PRKCE: variants seen among roughly 807,000 people sequenced by gnomAD.
PRKCE encodes the protein protein kinase C epsilon.
Under a neutral mutation model 85.4 loss-of-function variants are expected in PRKCE, and 16 were observed. That is an observed-to-expected ratio of 0.19 (90% CI 0.13 to 0.28). The LOEUF is 0.28. Ranked by LOEUF, PRKCE falls within the 10% of genes least tolerant of loss-of-function variation. PRKCE has a pLI of 1.00. For missense variants in PRKCE, 573 were observed against 975.2 expected (o/e 0.59, Z 5.49); for synonymous variants, 388 against 371.5 (o/e 1.04, Z -0.51).
At chr2:45,768,209 G>T (rs912996847) in intron 1 of PRKCE, among the ~76,000 whole-genome samples, 1 of 144,152 alleles carries the variant, frequency 6.9e-6, no homozygotes, top group African/African-American at 2.9e-5. Flanking sequence ...CATTTTCATA[G>T]CAGAAAGAAA....
intron 1 of PRKCE, among the ~76,000 whole-genome samples, chr2:45,731,567 C>G (rs373828069): frequency 2.0e-5 from 3 of 150,434 alleles, no homozygotes; most frequent in African/African-American, 7.3e-5. Context: ...TTTGTAGTTA[C>G]TAATGGGGAA....
intron 9 of PRKCE, among the ~76,000 whole-genome samples, chr2:46,008,274 A>G (rs1353214274): frequency 2.0e-5 from 3 of 152,166 alleles, no homozygotes. Context: ...TCCCACTGAG[A>G]TGAACACAGT....
At chr2:45,951,733 C>T (rs1700635392) in intron 2 of PRKCE, among the ~76,000 whole-genome samples, 1 of 152,252 alleles carries the variant, frequency 6.6e-6, no homozygotes, top group Non-Finnish European at 1.5e-5. Flanking sequence ...ACACCTCATC[C>T]TCTGAGTTTG....
intron 1 of PRKCE, among the ~76,000 whole-genome samples, chr2:45,691,159 G>A (rs374563661): frequency 6.6e-6 from 1 of 152,204 alleles, no homozygotes; most frequent in African/African-American, 2.4e-5. Flanking sequence ...AAACCAGCGA[G>A]CTGTGTCCGT....
chr2:45,741,329 A>G (rs1199875781), intron 1 of PRKCE, among the ~76,000 whole-genome samples: 1 of 152,160 alleles, frequency 6.6e-6, no homozygotes. Flanking sequence ...GGTTGTTTAT[A>G]GTTTGCTTCC....
chr2:45,762,244 C>T (rs1453168886), intron 1 of PRKCE, among the ~76,000 whole-genome samples: 4 of 152,236 alleles, frequency 2.6e-5, no homozygotes, highest in Admixed American at 6.5e-5. Flanking sequence ...CCACCAGGAT[C>T]AGTAAGCATT....
chr2:45,908,674 G>A lies in PRKCE; in HGVS notation c.412+65611G>A, dbSNP rs181205847. ...AAAAGCCATGACTCATTGTGAATGAGTCCTGTGTTCTTCTCACACTCAGGT... is the reference window on the plus strand; with the variant it reads ...AAAAGCCATGACTCATTGTGAATGAATCCTGTGTTCTTCTCACACTCAGGT... On this transcript the variant is annotated intron_variant, in intron 2 of 14. Coordinates refer to ENST00000306156, the MANE Select transcript of PRKCE (RefSeq NM_005400.3). Among the ~76,000 whole-genome samples, 142 of 152,250 alleles carry A rather than the reference G, an allele frequency of 9.3e-4. 1 individual carries two copies. Among genetic ancestry groups the A allele is most frequent in the African/African-American group, 3.3e-3 (136 of 41,550 alleles).
At chr2:46,078,082 G>C (rs987933277) in intron 10 of PRKCE, 9 of 152,184 alleles carry the variant, frequency 5.9e-5, no homozygotes, top group Admixed American at 4.6e-4. Flanking sequence ...AATGAGGATT[G>C]CTTGTTTATC....
chr2:45,761,531 G>T (rs1019719388), intron 1 of PRKCE, among the ~76,000 whole-genome samples: 1 of 151,962 alleles, frequency 6.6e-6, no homozygotes, highest in African/African-American at 2.4e-5. Flanking sequence ...CAGAAAGAAC[G>T]GGGCTTGTGG....
Position 45,904,591 on chromosome 2 carries a change from C to T in PRKCE, c.412+61528C>T, listed in dbSNP as rs929627086. On this transcript the variant is annotated intron_variant, in intron 2 of 14. Transcript: ENST00000306156. ...GGGCATTTCTTCCCCTGCCAAGAAG[C>T]GAAATGTCTTAGCTCCATGTGCGTT... is the stretch of plus-strand genomic sequence containing the variant. 1.1e-4 allele frequency among the ~76,000 whole-genome samples: 17 copies of T among 152,236 alleles called. No individual in the cohort carries two copies. The South Asian group carries it at 1.5e-3, about 13-fold the overall frequency.
chr2:45,976,899 G>A (rs1702497130), intron 3 of PRKCE, among the ~76,000 whole-genome samples: 1 of 146,640 alleles, frequency 6.8e-6, no homozygotes, highest in African/African-American at 2.6e-5. Flanking sequence ...GTGTGTGTGT[G>A]TGTGTGTCTT....
intron 11 of PRKCE, among the ~76,000 whole-genome samples, chr2:46,091,431 A>C (rs992549453): frequency 6.6e-6 from 1 of 152,174 alleles, no homozygotes; most frequent in Non-Finnish European, 1.5e-5. Context: ...CATGTCATGA[A>C]GGAGAAATTT....
At chr2:45,867,844 A>T (rs1390490761) in intron 2 of PRKCE, among the ~76,000 whole-genome samples, 1 of 152,136 alleles carries the variant, frequency 6.6e-6, no homozygotes, top group African/African-American at 2.4e-5. Flanking sequence ...GACCTGATGG[A>T]GCTGTTGTTT....
At chr2:45,677,739 A>C in intron 1 of PRKCE, 4 of 396,246 alleles carry the variant, frequency 1.0e-5, no homozygotes, top group Non-Finnish European at 1.0e-5. Context: ...AGCCTGGTAA[A>C]GATACTCTGG....
intron 2 of PRKCE, among the ~76,000 whole-genome samples, chr2:45,964,799 T>C (rs1701623601): frequency 6.6e-6 from 1 of 152,204 alleles, no homozygotes; most frequent in Non-Finnish European, 1.5e-5. Flanking sequence ...TATCTGTCAA[T>C]CACCATGTTT....
chr2:45,666,725 C>T (rs556349610), intron 1 of PRKCE, among the ~76,000 whole-genome samples: 1 of 152,240 alleles, frequency 6.6e-6, no homozygotes, highest in East Asian at 1.9e-4. Context: ...TTGATGCTTT[C>T]TCTCTTTTCT....
Position 45,651,963 on chromosome 2 carries a change from A to G in PRKCE, c.-138A>G. The G allele has an allele frequency of 1.5e-6, 1 of 663,506 alleles. No homozygotes were observed. The highest frequency in any genetic ancestry group is 2.5e-6 in the Non-Finnish European group (1 of 395,216). 41.1% of individuals were successfully genotyped at this position (663,506 alleles called of 1,614,324 possible). On this transcript the variant is annotated 5_prime_UTR_variant, in exon 1 of 15. Coordinates refer to ENST00000306156, the MANE Select transcript of PRKCE (RefSeq NM_005400.3). ...ATCGCCCGCGCCAGGGCGCAACGCC[A>G]CAAGGTGTAGGGAGTGTGCGGGGTG...
chr2:45,740,535 C>T (rs189888850), intron 1 of PRKCE, among the ~76,000 whole-genome samples: 52 of 152,240 alleles, frequency 3.4e-4, no homozygotes, highest in African/African-American at 1.0e-3. Context: ...CCCACTTGGA[C>T]GCACCCTTCC....
At position 45,842,282 on chromosome 2, in the gene PRKCE, C is replaced by T. The variant is rs919635033; in HGVS notation, c.349-718C>T. 3.9e-5 allele frequency among the ~76,000 whole-genome samples: 6 copies of T among 152,238 alleles called. No individual in the cohort carries two copies. In the East Asian group the frequency reaches 9.6e-4, roughly 24 times the overall value. On this transcript the variant is annotated intron_variant, in intron 1 of 14. Coordinates refer to ENST00000306156, the MANE Select transcript of PRKCE (RefSeq NM_005400.3). ...TCTTACGCCTTGCATACCTTCCCTT[C>T]CCTCTTCCCTTCCGTCTTCTACACT...
Sources: allele counts gnomAD v4.1 joint callset (sites outside exome capture counted in the v4.1 genomes callset), GRCh38; gene constraint gnomAD v4.1.1; transcripts MANE v1.5; gene names NCBI Gene and HGNC (gene_info 2026-07-23, HGNC 2026-07-21).